GRM8: variants seen among roughly 807,000 people sequenced by gnomAD.
GRM8 encodes metabotropic glutamate receptor 8.
Under a neutral mutation model 87.2 loss-of-function variants are expected in GRM8, and 47 were observed. The ratio of observed to expected loss-of-function variants is 0.54; its 90% confidence interval spans 0.43 to 0.69. The LOEUF is 0.69. GRM8 is among the 30% of genes least tolerant of loss of function. GRM8 has a pLI of 0.00. For missense variants in GRM8, 1,019 were observed against 1,139.2 expected (o/e 0.89, Z 1.52); for synonymous variants, 396 against 404.5 (o/e 0.98, Z 0.25).
chr7:127,162,565 T>C (rs1793183575), intron 2 of GRM8, among the ~76,000 whole-genome samples: 1 of 152,176 alleles, frequency 6.6e-6, no homozygotes, highest in Non-Finnish European at 1.5e-5. Flanking sequence ...TTTGCTAGAC[T>C]AACCATTCTG....
At chr7:127,185,810 A>G (rs1169330134) in intron 2 of GRM8, among the ~76,000 whole-genome samples, 2 of 152,148 alleles carry the variant, frequency 1.3e-5, no homozygotes, top group Non-Finnish European at 2.9e-5. Flanking sequence ...TATGTATACA[A>G]TTTGGTGTGA....
At chr7:126,994,043 C>A (rs1812935204) in intron 3 of GRM8, among the ~76,000 whole-genome samples, 1 of 152,166 alleles carries the variant, frequency 6.6e-6, no homozygotes, top group Admixed American at 6.5e-5. Context: ...CCTCCCACAA[C>A]CACAGGCAGG....
At chr7:126,544,506 T>C (rs754725467) in intron 8 of GRM8, among the ~76,000 whole-genome samples, 4 of 151,650 alleles carry the variant, frequency 2.6e-5, no homozygotes, top group Non-Finnish European at 4.4e-5. Flanking sequence ...TGAAAGTTTA[T>C]TTATTATTAT....
At chr7:127,123,342 G>A (rs1827185557) in intron 2 of GRM8, among the ~76,000 whole-genome samples, 1 of 152,132 alleles carries the variant, frequency 6.6e-6, no homozygotes, top group Non-Finnish European at 1.5e-5. Context: ...GCGGTGTTTG[G>A]GTCCTGGGGG....
At chr7:126,681,773 C>G (rs1807621236) in intron 7 of GRM8, among the ~76,000 whole-genome samples, 1 of 152,228 alleles carries the variant, frequency 6.6e-6, no homozygotes. Flanking sequence ...AGCACAATAG[C>G]TTCAATGATC....
intron 6 of GRM8, among the ~76,000 whole-genome samples, chr7:126,822,464 C>A (rs1563219645): frequency 1.3e-5 from 2 of 151,804 alleles, no homozygotes; most frequent in African/African-American, 2.4e-5. Flanking sequence ...TTCCTTCCTT[C>A]CTCTTTTATT....
chr7:126,463,446 TC>T (rs1413794655), intron 9 of GRM8, among the ~76,000 whole-genome samples: 4 of 151,660 alleles, frequency 2.6e-5, no homozygotes, highest in Non-Finnish European at 5.9e-5. Flanking sequence ...AATTACAGTA[TC>T]CTCAGATGGA....
At chr7:126,897,551 A>G (rs1801662049) in intron 6 of GRM8, among the ~76,000 whole-genome samples, 1 of 152,054 alleles carries the variant, frequency 6.6e-6, no homozygotes, top group East Asian at 1.9e-4. Flanking sequence ...AAAGACACTA[A>G]GCCTGAGAGT....
At chr7:126,792,887 C>T (rs141867698) in intron 6 of GRM8, among the ~76,000 whole-genome samples, 1 of 152,270 alleles carries the variant, frequency 6.6e-6, no homozygotes, top group South Asian at 2.1e-4. Context: ...TTCTGCACTG[C>T]CCCTCGGCTA....
At chr7:126,534,833 T>C (rs1172329273) in intron 8 of GRM8, among the ~76,000 whole-genome samples, 3 of 152,212 alleles carry the variant, frequency 2.0e-5, no homozygotes, top group Admixed American at 2.0e-4. Flanking sequence ...GAAAAGCAGC[T>C]ACTATAAAAG....
chr7:126,769,611 T>G (rs1818603172), intron 7 of GRM8, among the ~76,000 whole-genome samples: 1 of 151,528 alleles, frequency 6.6e-6, no homozygotes, highest in African/African-American at 2.4e-5. Flanking sequence ...TCTTCAATAG[T>G]GATATTTAAG....
At chr7:127,078,345 T>G (rs1822503618) in intron 3 of GRM8, among the ~76,000 whole-genome samples, 1 of 152,212 alleles carries the variant, frequency 6.6e-6, no homozygotes. Flanking sequence ...CTTAGCAGCA[T>G]AGATCATTCC....
At chr7:126,595,189 T>C (rs1022322021) in intron 8 of GRM8, among the ~76,000 whole-genome samples, 2 of 151,902 alleles carry the variant, frequency 1.3e-5, no homozygotes, top group African/African-American at 4.8e-5. Context: ...CAGAGGTACA[T>C]GTGAAGTTTG....
chr7:127,078,459 G>T (rs1201639252), intron 3 of GRM8, among the ~76,000 whole-genome samples: 3 of 152,214 alleles, frequency 2.0e-5, no homozygotes, highest in Non-Finnish European at 2.9e-5. Context: ...TTAGTATCAA[G>T]CCTGACAGAA....
At chr7:126,591,431 G>A (rs533029243) in intron 8 of GRM8, among the ~76,000 whole-genome samples, 8 of 152,072 alleles carry the variant, frequency 5.3e-5, no homozygotes, top group Admixed American at 1.3e-4. Context: ...TTAATAGTGG[G>A]GGACTTCAAT....
In GRM8 at chr7:127,070,791, A is replaced by C. The variant is rs543125663; in HGVS notation, c.727+35705T>G. On this transcript the variant is annotated intron_variant, in intron 3 of 10. Transcript: ENST00000339582. ...GACGATGAAACTTGGAAAATAACCC[A>C]GGGTTTTAGAACTGGTGACAGCAAA... 9.7e-4 allele frequency among the ~76,000 whole-genome samples: 147 copies of C among 152,304 alleles called. 1 individual carries two copies. The highest frequency in any genetic ancestry group is 3.5e-3 in the African/African-American group (145 of 41,572).
At chr7:126,733,074 A>C (rs1020823754) in intron 7 of GRM8, among the ~76,000 whole-genome samples, 19 of 152,032 alleles carry the variant, frequency 1.2e-4, no homozygotes, top group Admixed American at 1.3e-4. Flanking sequence ...CATGACAATT[A>C]TTCTTCTTCC....
chr7:126,553,353 A>G (rs1407992136), intron 8 of GRM8, among the ~76,000 whole-genome samples: 1 of 152,162 alleles, frequency 6.6e-6, no homozygotes, highest in Admixed American at 6.6e-5. Flanking sequence ...TAACTGATAC[A>G]TTTCATGTGA....
At chr7:126,903,019 T>C (rs1802255636) in intron 5 of GRM8, among the ~76,000 whole-genome samples, 1 of 152,168 alleles carries the variant, frequency 6.6e-6, no homozygotes, top group African/African-American at 2.4e-5. Flanking sequence ...TCCTGAATAC[T>C]TAGAACCCAA....
Sources: allele counts gnomAD v4.1 joint callset (sites outside exome capture counted in the v4.1 genomes callset), GRCh38; gene constraint gnomAD v4.1.1; transcripts MANE v1.5; gene names NCBI Gene and HGNC (gene_info 2026-07-23, HGNC 2026-07-21).